The following HORMAD2 variants were observed in gnomAD, a reference collection of about 807,000 sequenced individuals.
HORMAD2 encodes the protein HORMA domain containing 2.
Under a neutral mutation model 38.8 loss-of-function variants are expected in HORMAD2, and 45 were observed. That is an observed-to-expected ratio of 1.16 (90% CI 0.91 to 1.49). The LOEUF (loss-of-function observed/expected upper bound fraction) is 1.49, where lower values mean the gene tolerates loss of function less well. HORMAD2 is among the 40% of genes most tolerant of loss of function. The pLI, the probability that HORMAD2 is intolerant of heterozygous loss-of-function variation, is 0.00. For synonymous variants in HORMAD2, 126 were observed against 122.8 expected (o/e 1.03, Z -0.17); for missense variants, 338 against 367.0 (o/e 0.92, Z 0.65).
At chr22:30,165,630 A>AT (rs1431400256) in intron 10 of HORMAD2, among the ~76,000 whole-genome samples, 1 of 151,858 alleles carries the variant, frequency 6.6e-6, no homozygotes, top group African/African-American at 2.4e-5. Flanking sequence ...ATTTTTTTCT[A>AT]TATTTTGTTT....
chr22:30,131,457 T>C lies in HORMAD2; in HGVS notation c.819+9243T>C, dbSNP rs1923277949. ...AGACACTCTCTACAAGGCTTTTTTC[T>C]AGGCCTTTCTTTTGTAACTAGAAAT... On this transcript the variant is annotated intron_variant, in intron 10 of 10. Coordinates refer to ENST00000336726, the MANE Select transcript of HORMAD2 (RefSeq NM_152510.4). Among the ~76,000 whole-genome samples, 6 of 152,360 alleles carry C rather than the reference T, an allele frequency of 3.9e-5. 1 individual carries two copies. The South Asian group carries it at 1.2e-3, about 32-fold the overall frequency.
chr22:30,166,482 A>G (rs1164464071), intron 10 of HORMAD2, among the ~76,000 whole-genome samples: 4 of 152,224 alleles, frequency 2.6e-5, no homozygotes, highest in African/African-American at 9.6e-5. Context: ...GGCCACATGT[A>G]GCTAATAGCT....
chr22:30,152,390 C>T (rs949996146), intron 10 of HORMAD2, among the ~76,000 whole-genome samples: 1 of 151,984 alleles, frequency 6.6e-6, no homozygotes, highest in Admixed American at 6.6e-5. Context: ...TAGCATCTTG[C>T]TTTATTGCTT....
the HORMAD2 span, among the ~76,000 whole-genome samples, chr22:30,193,721 C>T: frequency 6.6e-6 from 1 of 152,218 alleles, no homozygotes; most frequent in African/African-American, 2.4e-5. Flanking sequence ...GTCCATTCTC[C>T]TGTCCTTCCA....
intron 10 of HORMAD2, among the ~76,000 whole-genome samples, chr22:30,162,392 A>G (rs1198297416): frequency 6.6e-6 from 1 of 152,114 alleles, no homozygotes; most frequent in Non-Finnish European, 1.5e-5. Context: ...ACATGTGGCT[A>G]TTGAGTACTT....
chr22:30,117,667 C>A (rs1482388067), intron 7 of HORMAD2, among the ~76,000 whole-genome samples: 1 of 152,052 alleles, frequency 6.6e-6, no homozygotes, highest in Non-Finnish European at 1.5e-5. Flanking sequence ...CACCACCACG[C>A]CCGGCTAATT....
upstream of HORMAD2, among the ~76,000 whole-genome samples, chr22:30,078,607 C>CCAAAAAAAAAAAA (rs1234942826): frequency 3.6e-5 from 1 of 28,102 alleles, no homozygotes. Context: ...CTCTGTCTCA[C>CCAAAAAAAAAAAA]AAAAAAAAAA....
intron 8 of HORMAD2, among the ~76,000 whole-genome samples, chr22:30,119,676 G>T (rs1315687391): frequency 1.3e-5 from 2 of 152,184 alleles, no homozygotes; most frequent in African/African-American, 4.8e-5. Context: ...AAGTATTGCT[G>T]ATGAGATGGC....
intron 5 of HORMAD2, among the ~76,000 whole-genome samples, chr22:30,106,320 AT>A (rs906326550): frequency 2.0e-5 from 3 of 152,034 alleles, no homozygotes; most frequent in Non-Finnish European, 2.9e-5. Flanking sequence ...CTATATATTG[AT>A]TTTTTTATAT....
At chr22:30,197,183 G>A in the HORMAD2 span, among the ~76,000 whole-genome samples, 2 of 152,002 alleles carry the variant, frequency 1.3e-5, no homozygotes. Context: ...GGTGGGGTTG[G>A]ATGTGAAAAG....
chr22:30,106,159 C>T (rs1921176333), intron 5 of HORMAD2, among the ~76,000 whole-genome samples: 1 of 152,022 alleles, frequency 6.6e-6, no homozygotes, highest in Admixed American at 6.6e-5. Context: ...TACAGAAATG[C>T]ACCACCACAC....
chr22:30,114,712 A>G (rs1331796712), intron 7 of HORMAD2, among the ~76,000 whole-genome samples: 1 of 152,222 alleles, frequency 6.6e-6, no homozygotes, highest in East Asian at 1.9e-4. Context: ...AGAGTATGTC[A>G]TGGTATAACA....
chr22:30,200,535 C>G, the HORMAD2 span, among the ~76,000 whole-genome samples: 13 of 151,842 alleles, frequency 8.6e-5, no homozygotes, highest in East Asian at 2.1e-3. Context: ...TATCTTGTGT[C>G]CAGCCATTTT....
At chr22:30,190,483 G>A in the HORMAD2 span, among the ~76,000 whole-genome samples, 1 of 152,228 alleles carries the variant, frequency 6.6e-6, no homozygotes, top group Non-Finnish European at 1.5e-5. Flanking sequence ...AACTTTCGAT[G>A]GCACTATGAA....
At position 30,102,209 on chromosome 22, in the gene HORMAD2, A is replaced by T. The variant is rs1354600967; in HGVS notation, c.194-1228A>T. ...GGTCTATGAGATACAAACTTGTAAT[A>T]GTGAATGTGTTTATATCTAACATAT... On this transcript the variant is annotated intron_variant, in intron 3 of 10. Transcript: ENST00000336726. Among the ~76,000 whole-genome samples the T allele has an allele frequency of 4.6e-5, 7 of 152,376 alleles. No homozygotes were observed. In the East Asian group the frequency reaches 1.2e-3, roughly 25 times the overall value.
chr22:30,155,824 G>T, intron 10 of HORMAD2, among the ~76,000 whole-genome samples: 1 of 152,104 alleles, frequency 6.6e-6, no homozygotes, highest in East Asian at 1.9e-4. Flanking sequence ...ATTATCATTA[G>T]CTTATTAATT....
intron 10 of HORMAD2, among the ~76,000 whole-genome samples, chr22:30,150,993 G>A (rs1180562770): frequency 2.6e-5 from 4 of 152,162 alleles, no homozygotes; most frequent in Non-Finnish European, 5.9e-5. Flanking sequence ...TTTCATAAAT[G>A]TGTTTCAGTT....
At chr22:30,190,559 T>C in the HORMAD2 span, among the ~76,000 whole-genome samples, 3 of 152,198 alleles carry the variant, frequency 2.0e-5, no homozygotes, top group Non-Finnish European at 2.9e-5. Context: ...AGGGGCAGCA[T>C]GCTCCAGTAA....
chr22:30,148,128 G>C (rs954767549), intron 10 of HORMAD2, among the ~76,000 whole-genome samples: 1 of 152,038 alleles, frequency 6.6e-6, no homozygotes, highest in Non-Finnish European at 1.5e-5. Context: ...GCAAATTGTG[G>C]TATCTTTGTA....
Sources: allele counts gnomAD v4.1 joint callset (sites outside exome capture counted in the v4.1 genomes callset), GRCh38; gene constraint gnomAD v4.1.1; transcripts MANE v1.5; gene names NCBI Gene and HGNC (gene_info 2026-07-23, HGNC 2026-07-21).